LINGO2: variants seen among roughly 807,000 people sequenced by gnomAD.
LINGO2 encodes leucine rich repeat and Ig domain containing 2.
A neutral mutation model predicts 30.6 loss-of-function variants in LINGO2; 14 were observed. That is an observed-to-expected ratio of 0.46 (90% CI 0.30 to 0.72). The LOEUF is 0.72. Among genes scored for constraint, LINGO2 ranks in the 30% least tolerant of loss-of-function variants. LINGO2 has a pLI of 0.07. For synonymous variants in LINGO2, 317 were observed against 288.5 expected (o/e 1.10, Z -1.00); for missense variants, 729 against 751.7 (o/e 0.97, Z 0.35).
chr9:29,207,671 G>C, the LINGO2 span, among the ~76,000 whole-genome samples: 1 of 151,904 alleles, frequency 6.6e-6, no homozygotes, highest in Admixed American at 6.6e-5. Flanking sequence ...TTTGCATTTA[G>C]TCTTACTCAT....
chr9:29,078,076 T>C, the LINGO2 span, among the ~76,000 whole-genome samples: 2 of 151,994 alleles, frequency 1.3e-5, no homozygotes, highest in Non-Finnish European at 2.9e-5. Flanking sequence ...AGTAAGCATA[T>C]ACTTAACTGA....
intron 4 of LINGO2, among the ~76,000 whole-genome samples, chr9:28,044,856 G>GT (rs1824346733): frequency 6.6e-6 from 1 of 152,092 alleles, no homozygotes; most frequent in Non-Finnish European, 1.5e-5. Flanking sequence ...TGCAGGGGTG[G>GT]TTTCCCTTTC....
chr9:28,244,489 A>T lies in LINGO2; in HGVS notation c.-87+50719T>A, dbSNP rs868260526. On this transcript the variant is annotated intron_variant, in intron 4 of 5. Coordinates refer to ENST00000379992, the Ensembl canonical transcript of LINGO2. ...ACTGAAGGAGACAGAGAAACAAAAA[A>T]CCCTTCAAAAAATTAGTGAATCCAG... is the stretch of plus-strand genomic sequence containing the variant. 2.0e-5 allele frequency among the ~76,000 whole-genome samples: 3 copies of T among 152,076 alleles called. No homozygotes were observed. In the South Asian group the frequency reaches 6.2e-4, roughly 31 times the overall value.
chr9:28,689,173 C>T, the LINGO2 span, among the ~76,000 whole-genome samples: 10 of 152,130 alleles, frequency 6.6e-5, no homozygotes, highest in Admixed American at 2.0e-4. Flanking sequence ...TGTCAAAGAA[C>T]TCCAGGTAAA....
At chr9:28,273,674 T>A (rs1238908683) in intron 4 of LINGO2, among the ~76,000 whole-genome samples, 2 of 152,160 alleles carry the variant, frequency 1.3e-5, no homozygotes, top group African/African-American at 4.8e-5. Context: ...GATATTGGGA[T>A]TGTTACGACT....
At chr9:28,902,806 G>T in the LINGO2 span, among the ~76,000 whole-genome samples, 1 of 151,778 alleles carries the variant, frequency 6.6e-6, no homozygotes, top group African/African-American at 2.4e-5. Flanking sequence ...TAAATTAAAA[G>T]AGATATTAAA....
intron 4 of LINGO2, among the ~76,000 whole-genome samples, chr9:28,034,744 C>A (rs991193373): frequency 6.6e-6 from 1 of 152,156 alleles, no homozygotes; most frequent in Non-Finnish European, 1.5e-5. Context: ...AAAATTGCTA[C>A]TTATTTTTAT....
chr9:28,570,623 C>T (rs945198693), intron 1 of LINGO2, among the ~76,000 whole-genome samples: 2 of 148,546 alleles, frequency 1.3e-5, no homozygotes, highest in South Asian at 2.2e-4. Context: ...AAAAAAACAC[C>T]GTGTGATTGA....
At chr9:28,930,890 T>A in the LINGO2 span, among the ~76,000 whole-genome samples, 1 of 152,158 alleles carries the variant, frequency 6.6e-6, no homozygotes, top group Non-Finnish European at 1.5e-5. The surrounding 1 kb of genome is among the most constrained non-coding windows in gnomAD (Gnocchi z 4.2). Flanking sequence ...GAGAAGGTAT[T>A]TCTTGGCAAT....
chr9:28,348,858 C>G (rs1288418162), intron 3 of LINGO2, among the ~76,000 whole-genome samples: 3 of 152,042 alleles, frequency 2.0e-5, no homozygotes, highest in Non-Finnish European at 4.4e-5. Context: ...CCCGGGCAGC[C>G]TAACTGGGAG....
the LINGO2 span, chr9:27,942,806 T>G: frequency 6.6e-6 from 1 of 152,158 alleles, no homozygotes; most frequent in Non-Finnish European, 1.5e-5. Context: ...TCCCCACATA[T>G]TTATATATGT....
the LINGO2 span, among the ~76,000 whole-genome samples, chr9:29,068,582 T>G: frequency 2.6e-5 from 4 of 151,954 alleles, no homozygotes; most frequent in South Asian, 8.3e-4. Flanking sequence ...TTCAGTAAAA[T>G]TTTAGCAACT....
At chr9:28,767,785 CAAAAAAAAAAA>C in the LINGO2 span, among the ~76,000 whole-genome samples, 467 of 97,080 alleles carry the variant, frequency 4.8e-3, 2 homozygotes, top group African/African-American at 0.016. Flanking sequence ...GACTCCATTT[CAAAAAAAAAAA>C]AAAAAAAAAA....
chr9:29,042,222 C>A, the LINGO2 span, among the ~76,000 whole-genome samples: 58 of 151,948 alleles, frequency 3.8e-4, 1 homozygote, highest in African/African-American at 1.3e-3. Flanking sequence ...ATATAGCCAC[C>A]CTTGTCTACG....
At chr9:28,701,711 A>T in the LINGO2 span, among the ~76,000 whole-genome samples, 6 of 151,946 alleles carry the variant, frequency 3.9e-5, no homozygotes, top group Non-Finnish European at 1.5e-5. Context: ...ATTGCATCAG[A>T]TCTATAAATC....
intron 2 of LINGO2, among the ~76,000 whole-genome samples, chr9:28,435,910 T>G (rs1587670946): frequency 6.6e-6 from 1 of 152,112 alleles, no homozygotes; most frequent in Non-Finnish European, 1.5e-5. Context: ...GACGTGAGAT[T>G]TTAGAACAGT....
rs575858395 is a variant in LINGO2, at chr9:28,555,493, T to C, written c.-364-79468A>G. 5.3e-5 allele frequency among the ~76,000 whole-genome samples: 8 copies of C among 151,904 alleles called. No homozygotes were observed. The East Asian group carries it at 9.7e-4, about 18-fold the overall frequency. On this transcript the variant is annotated intron_variant, in intron 1 of 5. Transcript: ENST00000379992. ...AGACCAATAACAGGATCTGAAATTG[T>C]GGCAATAATCAATAGCTTACCAACC...
chr9:29,160,706 C>A, the LINGO2 span, among the ~76,000 whole-genome samples: 1 of 152,100 alleles, frequency 6.6e-6, no homozygotes, highest in Non-Finnish European at 1.5e-5. Context: ...TTTGATTTTT[C>A]TCCTAAAGAA....
intron 1 of LINGO2, among the ~76,000 whole-genome samples, chr9:28,553,334 A>G (rs1822419283): frequency 1.3e-5 from 2 of 152,260 alleles, no homozygotes; most frequent in South Asian, 2.1e-4. Flanking sequence ...CCAAGGCTCG[A>G]GAACTACGTG....
Sources: allele counts gnomAD v4.1 joint callset (sites outside exome capture counted in the v4.1 genomes callset), GRCh38; gene constraint gnomAD v4.1.1; non-coding constraint Gnocchi (gnomAD v3.1); transcripts MANE v1.5; gene names NCBI Gene and HGNC (gene_info 2026-07-23, HGNC 2026-07-21).